Variants in PLCH1 observed in about 807,000 individuals in gnomAD.
The protein encoded by PLCH1 is 1-phosphatidylinositol 4,5-bisphosphate phosphodiesterase eta-1.
In PLCH1, 60 loss-of-function variants were observed where a neutral mutation model predicts 126.7. That is an observed-to-expected ratio of 0.47 (90% CI 0.38 to 0.59). The LOEUF is 0.59. Ranked by LOEUF, PLCH1 falls within the 20% of genes least tolerant of loss-of-function variation. The pLI is 0.00. For synonymous variants in PLCH1, 719 were observed against 734.9 expected, an observed-to-expected ratio of 0.98 and a Z score of 0.35; for missense variants, 1,723 against 2,040.0, an observed-to-expected ratio of 0.84 and a Z score of 2.99.
At chr3:155,639,584 G>A (rs1298110522) in intron 2 of PLCH1, among the ~76,000 whole-genome samples, 1 of 152,166 alleles carries the variant, frequency 6.6e-6, no homozygotes, top group African/African-American at 2.4e-5. Context: ...GAAGGAGTGG[G>A]CTAAGGGGAG....
At chr3:155,579,243 C>T (rs991287132) in intron 6 of PLCH1, among the ~76,000 whole-genome samples, 3 of 152,190 alleles carry the variant, frequency 2.0e-5, no homozygotes, top group Non-Finnish European at 4.4e-5. Flanking sequence ...GGAAAAGACA[C>T]TTCCCCTCAC....
intron 21 of PLCH1, among the ~76,000 whole-genome samples, chr3:155,459,052 A>G (rs997308633): frequency 5.3e-5 from 8 of 152,244 alleles, no homozygotes; most frequent in Admixed American, 5.2e-4. Context: ...GCAAGCTGTG[A>G]CATTAGAATT....
intron 8 of PLCH1, among the ~76,000 whole-genome samples, chr3:155,556,108 T>A (rs1295885926): frequency 2.0e-5 from 3 of 152,194 alleles, no homozygotes; most frequent in Admixed American, 1.3e-4. Context: ...GCAAGCTGAA[T>A]TTGCATAATG....
intron 1 of PLCH1, among the ~76,000 whole-genome samples, chr3:155,730,606 T>C (rs1486470332): frequency 6.6e-6 from 1 of 152,196 alleles, no homozygotes; most frequent in African/African-American, 2.4e-5. Context: ...ATTGATCTGC[T>C]TAATTTATAG....
chr3:155,705,016 T>G (rs1250371187), intron 1 of PLCH1, among the ~76,000 whole-genome samples: 1 of 152,218 alleles, frequency 6.6e-6, no homozygotes, highest in Non-Finnish European at 1.5e-5. Flanking sequence ...GAACAAGGCC[T>G]CCTTTGTTCA....
At chr3:155,688,071 A>G (rs986239212) in intron 2 of PLCH1, among the ~76,000 whole-genome samples, 19 of 152,276 alleles carry the variant, frequency 1.2e-4, no homozygotes, top group South Asian at 1.2e-3. Flanking sequence ...AATCATTTTT[A>G]CCTATGAAGA....
chr3:155,622,033 A>G (rs1305933417), intron 2 of PLCH1, among the ~76,000 whole-genome samples: 1 of 152,268 alleles, frequency 6.6e-6, no homozygotes, highest in African/African-American at 2.4e-5. Flanking sequence ...TTACCCACAA[A>G]GGGAAGCCCA....
At chr3:155,504,532 T>C (rs752537636) in intron 13 of PLCH1, 23 bp downstream of exon 13, 3 of 1,311,322 alleles carry the variant, frequency 2.3e-6, no homozygotes, top group Non-Finnish European at 3.3e-6. Context: ...GAAGTATGCA[T>C]AGTTATTACT....
intron 2 of PLCH1, among the ~76,000 whole-genome samples, chr3:155,643,631 G>C (rs1473009099): frequency 6.6e-6 from 1 of 152,126 alleles, no homozygotes; most frequent in Non-Finnish European, 1.5e-5. Flanking sequence ...ATCTTTAACT[G>C]TTCAAAATCA....
At chr3:155,655,731 G>C (rs986017606) in intron 2 of PLCH1, among the ~76,000 whole-genome samples, 2 of 152,084 alleles carry the variant, frequency 1.3e-5, no homozygotes, top group Admixed American at 6.6e-5. Context: ...AAAAGAGAAG[G>C]GGGTAGTGGG....
chr3:155,731,201 C>T (rs74405924), intron 1 of PLCH1, among the ~76,000 whole-genome samples: 2,489 of 152,312 alleles, frequency 0.016, 27 homozygotes, highest in South Asian at 0.039. Flanking sequence ...AGGGCCATGC[C>T]AGCCCCCATG....
At chr3:155,525,635 A>G (rs10936006) in intron 10 of PLCH1, among the ~76,000 whole-genome samples, 106,583 of 152,036 alleles carry the variant, frequency 0.7, 41,175 homozygotes, top group Non-Finnish European at 0.88. Flanking sequence ...TTTGCATTTC[A>G]CAAGCCCCTC....
chr3:155,494,707 T>C (rs1043384801), intron 15 of PLCH1, among the ~76,000 whole-genome samples, 190 bp from the exon 16 acceptor site: 3 of 152,190 alleles, frequency 2.0e-5, no homozygotes, highest in African/African-American at 7.2e-5. Context: ...AGGGTTCTTT[T>C]GCCATTTTGA....
intron 1 of PLCH1, among the ~76,000 whole-genome samples, chr3:155,734,304 AAAAT>A (rs1748996220): frequency 6.6e-6 from 1 of 151,934 alleles, no homozygotes; most frequent in Admixed American, 6.6e-5. Context: ...ATTAAAAATA[AAAAT>A]AAATAGACAG....
At chr3:155,515,910 A>G (rs1720244451) in intron 11 of PLCH1, among the ~76,000 whole-genome samples, 1 of 152,250 alleles carries the variant, frequency 6.6e-6, no homozygotes, top group Non-Finnish European at 1.5e-5. Context: ...AGAGGTCATT[A>G]TATGTGGACT....
intron 2 of PLCH1, among the ~76,000 whole-genome samples, chr3:155,666,604 A>G (rs971803960): frequency 6.6e-6 from 1 of 152,182 alleles, no homozygotes; most frequent in African/African-American, 2.4e-5. Flanking sequence ...GGTATCAAGG[A>G]TGGTGGGTGA....
In PLCH1 at chr3:155,488,681, T is replaced by C. The variant is rs1560057656; in HGVS notation, c.2518A>G (p.Thr840Ala). Residue 840 changes from threonine to alanine, a missense_variant, in exon 20 of 23, where the codon ACC (threonine) becomes GCC (alanine). Thr to Ala is a moderately conservative substitution (Grantham distance 58). Coordinates refer to ENST00000460012, the MANE Select transcript of PLCH1 (RefSeq NM_014996.4). The part of the protein sequence containing the change: ...GRDFVGQRTV[T>A]FSSLVPGYRH... ...CTACCAGGCACTAAGCTGCTGAAGGTCACAGTTCTTTGTCCAACAAAGTCT... is the reference window on the plus strand; with the variant it reads ...CTACCAGGCACTAAGCTGCTGAAGGCCACAGTTCTTTGTCCAACAAAGTCT... 1 of 1,613,480 alleles carries C rather than the reference T, an allele frequency of 6.2e-7. No individual in the cohort carries two copies. Among genetic ancestry groups the C allele is most frequent in the Non-Finnish European group, 8.5e-7 (1 of 1,179,810 alleles).
intron 17 of PLCH1, 93 bp from the exon 18 acceptor site, chr3:155,492,946 AC>A: frequency 9.5e-7 from 1 of 1,055,174 alleles, no homozygotes; most frequent in Non-Finnish European, 1.3e-6. Context: ...ACAAACAAAA[AC>A]AAATGCTGAA....
At chr3:155,712,831 T>G (rs1747234354) in intron 1 of PLCH1, among the ~76,000 whole-genome samples, 1 of 151,756 alleles carries the variant, frequency 6.6e-6, no homozygotes, top group Non-Finnish European at 1.5e-5. Context: ...ACACCCTGAC[T>G]GCCGTCTCCA....
Sources: gnomAD v4.1 joint callset for allele counts (sites outside exome capture counted in the v4.1 genomes callset) on GRCh38, gnomAD v4.1.1 for gene constraint, MANE v1.5 for transcripts, NCBI Gene and HGNC (gene_info 2026-07-23, HGNC 2026-07-21) for gene names.